Variants in KAZN observed in about 807,000 individuals in gnomAD.
KAZN encodes the protein kazrin.
A neutral mutation model predicts 87.4 loss-of-function variants in KAZN; 40 were observed. The ratio of observed to expected loss-of-function variants is 0.46; its 90% CI spans 0.36 to 0.60. The LOEUF (loss-of-function observed/expected upper bound fraction) is 0.60. Among genes scored for constraint, KAZN ranks in the 20% least tolerant of loss-of-function variants. KAZN has a pLI of 0.00. For synonymous variants in KAZN, 466 were observed against 458.3 expected (o/e 1.02, Z -0.22); for missense variants, 898 against 1,073.9 (o/e 0.84, Z 2.29).
intron 2 of KAZN, among the ~76,000 whole-genome samples, chr1:14,322,085 T>C (rs1468483007): frequency 1.3e-5 from 2 of 152,130 alleles, no homozygotes; most frequent in Non-Finnish European, 2.9e-5. Flanking sequence ...TATCCACTGC[T>C]TGCTTAATCC....
chr1:14,391,039 T>C lies in KAZN; in HGVS notation c.250-207944T>C, dbSNP rs143030107. The stretch of plus-strand genomic sequence containing the variant: ...AGATTCTCAGCAGATGGGCAGGAAC[T>C]GGCTTGGGTGTTAACAGAGCCACTC... On this transcript the variant is annotated intron_variant, in intron 2 of 16. Transcript: ENST00000636203. Among the ~76,000 whole-genome samples, 627 of 152,340 alleles carry C rather than the reference T, an allele frequency of 4.1e-3. 5 individuals are homozygous for C. The highest frequency in any genetic ancestry group is 0.015 in the African/African-American group (606 of 41,580).
At chr1:14,109,619 G>T (rs544623238) in intron 1 of KAZN, among the ~76,000 whole-genome samples, 1 of 151,950 alleles carries the variant, frequency 6.6e-6, no homozygotes, top group South Asian at 2.1e-4. Flanking sequence ...CTTTCTCCAC[G>T]CTCTGATATT....
chr1:14,858,214 C>T (rs71510963), intron 1 of KAZN, among the ~76,000 whole-genome samples: 47,782 of 115,576 alleles, frequency 0.41, 10,974 homozygotes, highest in African/African-American at 0.63. Flanking sequence ...TTTTTCTTTT[C>T]TTTTTTTTTT....
chr1:14,086,038 C>A (rs1460403809), intron 1 of KAZN, among the ~76,000 whole-genome samples: 4 of 152,072 alleles, frequency 2.6e-5, no homozygotes, highest in African/African-American at 9.7e-5. Context: ...ATTTGCCATC[C>A]TCTTAAATAT....
intron 1 of KAZN, among the ~76,000 whole-genome samples, chr1:14,857,100 G>C (rs1270871052): frequency 6.6e-6 from 1 of 152,182 alleles, no homozygotes; most frequent in East Asian, 1.9e-4. Context: ...CTCGGCGTCA[G>C]GTTACTAGCT....
chr1:14,387,628 G>A (rs1662045050), intron 2 of KAZN, among the ~76,000 whole-genome samples: 1 of 152,156 alleles, frequency 6.6e-6, no homozygotes, highest in South Asian at 2.1e-4. Flanking sequence ...GGCTGCTCGG[G>A]GTTCAGGGGT....
intron 1 of KAZN, among the ~76,000 whole-genome samples, chr1:13,905,335 A>G (rs996639753): frequency 6.6e-6 from 1 of 152,156 alleles, no homozygotes; most frequent in African/African-American, 2.4e-5. Context: ...TTTATCTGTG[A>G]GATGTTATTA....
chr1:14,880,729 T>C (rs1456793214), intron 1 of KAZN, among the ~76,000 whole-genome samples: 1 of 152,192 alleles, frequency 6.6e-6, no homozygotes, highest in Non-Finnish European at 1.5e-5. Flanking sequence ...GGCTTCTCCC[T>C]GTGACCTGGA....
intron 1 of KAZN, among the ~76,000 whole-genome samples, chr1:14,665,573 C>G (rs934073455): frequency 9.9e-5 from 15 of 152,044 alleles, no homozygotes; most frequent in Non-Finnish European, 1.8e-4. Flanking sequence ...AGAATAGTGG[C>G]GTGGTTGAGG....
At chr1:14,958,044 C>T (rs1258086918) in intron 1 of KAZN, among the ~76,000 whole-genome samples, 1 of 152,168 alleles carries the variant, frequency 6.6e-6, no homozygotes, top group East Asian at 1.9e-4. Flanking sequence ...CACCTTTTCC[C>T]AAGGCCGCTG....
intron 1 of KAZN, among the ~76,000 whole-genome samples, chr1:14,060,397 A>C (rs1294145793): frequency 6.6e-6 from 1 of 150,462 alleles, no homozygotes; most frequent in Non-Finnish European, 1.5e-5. Flanking sequence ...TGAGGGTTTC[A>C]TGTTCCCTAC....
intron 2 of KAZN, among the ~76,000 whole-genome samples, chr1:15,002,649 G>C (rs1668603525): frequency 6.6e-6 from 1 of 152,146 alleles, no homozygotes; most frequent in South Asian, 2.1e-4. Flanking sequence ...GAGTCTTCTA[G>C]ATGAATATTA....
intron 2 of KAZN, among the ~76,000 whole-genome samples, chr1:14,365,376 G>T (rs893291992): frequency 4.0e-5 from 6 of 149,392 alleles, no homozygotes; most frequent in South Asian, 2.2e-4. Flanking sequence ...GGTGGGGGGG[G>T]GGGGGGTCTT....
Position 15,056,408 on chromosome 1 carries a change from G to A in KAZN, c.916+128G>A. 1 of 943,368 alleles carries A rather than the reference G, an allele frequency of 1.1e-6. No individual in the cohort carries two copies. The highest frequency in any genetic ancestry group is 1.5e-6 in the Non-Finnish European group (1 of 652,180). The allele number at this position is 943,368 out of a possible 1,614,324, so 58.4% of individuals were successfully genotyped here. ...CTTGGGGGCGTGGGACAGAGACCTTGGGCTCATGTAACTGAAAAATCTAAG... is the reference window on the plus strand; with the variant it reads ...CTTGGGGGCGTGGGACAGAGACCTTAGGCTCATGTAACTGAAAAATCTAAG... On this transcript the variant is annotated intron_variant, in intron 5 of 14. Coordinates refer to ENST00000376030, the MANE Select transcript of KAZN (RefSeq NM_201628.3). The surrounding 1 kb of genome is among the most constrained non-coding windows in gnomAD (Gnocchi z 5.4).
intron 6 of KAZN, chr1:15,061,797 G>C (rs1638821747): frequency 6.6e-6 from 1 of 152,542 alleles, no homozygotes; most frequent in East Asian, 1.9e-4. Context: ...TGGGATTATA[G>C]ACATGAGCCA....
At chr1:14,357,014 G>A (rs1188776040) in intron 2 of KAZN, among the ~76,000 whole-genome samples, 2 of 152,048 alleles carry the variant, frequency 1.3e-5, no homozygotes, top group Non-Finnish European at 2.9e-5. Flanking sequence ...AATTACTTTG[G>A]GCAGTATGGC....
At chr1:14,123,620 A>T (rs928256058) in intron 1 of KAZN, among the ~76,000 whole-genome samples, 1 of 152,218 alleles carries the variant, frequency 6.6e-6, no homozygotes, top group African/African-American at 2.4e-5. Flanking sequence ...TAAATAGGCA[A>T]TTCCAATAGA....
intron 1 of KAZN, among the ~76,000 whole-genome samples, chr1:14,823,226 C>T (rs891667384): frequency 6.6e-6 from 1 of 152,120 alleles, no homozygotes; most frequent in Non-Finnish European, 1.5e-5. Context: ...GAATCCACAA[C>T]GAACAGCTTC....
rs545091685 is a variant in KAZN, at chr1:15,077,568, C to T, written c.1222+11815C>T. Among the ~76,000 whole-genome samples the T allele has an allele frequency of 2.2e-4, 33 of 152,358 alleles. No individual in the cohort carries two copies. Among genetic ancestry groups the T allele is most frequent in the African/African-American group, 6.5e-4 (27 of 41,582 alleles). Reference sequence around the variant, plus strand: ...GAGCTCCACCGCTCCTCCGCAAGGGCTACACAGGACCAGGTCAGCTGCTTG... The same window carrying T: ...GAGCTCCACCGCTCCTCCGCAAGGGTTACACAGGACCAGGTCAGCTGCTTG... On this transcript the variant is annotated intron_variant, in intron 8 of 14. Coordinates refer to ENST00000376030, the MANE Select transcript of KAZN (RefSeq NM_201628.3). The surrounding 1 kb of genome is among the most constrained non-coding windows in gnomAD (Gnocchi z 4.8).
Sources: gnomAD v4.1 joint callset for allele counts (sites outside exome capture counted in the v4.1 genomes callset) on GRCh38, gnomAD v4.1.1 for gene constraint, Gnocchi (gnomAD v3.1) non-coding constraint, MANE v1.5 for transcripts, NCBI Gene and HGNC (gene_info 2026-07-23, HGNC 2026-07-21) for gene names.